Variants in NRXN3 observed in about 807,000 individuals in gnomAD.
The protein encoded by NRXN3 is neurexin III.
NRXN3 carries 32 observed loss-of-function variants against 137.6 expected under a neutral mutation model. The observed-to-expected ratio is 0.23, with a 90% CI of 0.18 to 0.31. The LOEUF (loss-of-function observed/expected upper bound fraction) is 0.31. Ranked by LOEUF, NRXN3 falls within the 10% of genes least tolerant of loss-of-function variation. The pLI, the probability that NRXN3 is intolerant of heterozygous loss-of-function variation, is 1.00. For missense variants in NRXN3, 1,574 were observed against 2,062.5 expected (o/e 0.76, Z 4.59); for synonymous variants, 798 against 784.5 (o/e 1.02, Z -0.29).
At chr14:78,380,847 A>G (rs2153630594) in intron 4 of NRXN3, among the ~76,000 whole-genome samples, 1 of 151,586 alleles carries the variant, frequency 6.6e-6, no homozygotes, top group African/African-American at 2.4e-5. Flanking sequence ...TGCTACCAGA[A>G]TAGCTAACCT....
chr14:78,627,027 C>T (rs538961881), intron 4 of NRXN3, among the ~76,000 whole-genome samples: 1 of 152,060 alleles, frequency 6.6e-6, no homozygotes, highest in Non-Finnish European at 1.5e-5. Flanking sequence ...ATCCAATCTT[C>T]TTTAGCTTGT....
At chr14:79,254,259 C>A (rs889194798) in intron 15 of NRXN3, among the ~76,000 whole-genome samples, 2 of 152,154 alleles carry the variant, frequency 1.3e-5, no homozygotes, top group Admixed American at 1.3e-4. Context: ...GCATGGCATG[C>A]AGTGACAAAC....
intron 15 of NRXN3, among the ~76,000 whole-genome samples, chr14:79,386,197 A>G (rs566321358): frequency 6.6e-6 from 1 of 152,318 alleles, no homozygotes; most frequent in Non-Finnish European, 1.5e-5. Flanking sequence ...CTGTATATCT[A>G]GAAAGCCCCA....
chr14:78,319,302 C>G (rs2079056010), intron 4 of NRXN3, among the ~76,000 whole-genome samples: 1 of 152,180 alleles, frequency 6.6e-6, no homozygotes, highest in Non-Finnish European at 1.5e-5. Context: ...GCCTCTGTCT[C>G]CGTGTCTGTA....
intron 1 of NRXN3, among the ~76,000 whole-genome samples, chr14:78,231,849 G>A (rs2065456087): frequency 6.6e-6 from 1 of 152,198 alleles, no homozygotes; most frequent in South Asian, 2.1e-4. Flanking sequence ...TGTGTTGTAA[G>A]GTGTGTGTGC....
intron 18 of NRXN3, among the ~76,000 whole-genome samples, chr14:79,693,859 T>C (rs1360237100): frequency 2.0e-5 from 3 of 151,966 alleles, no homozygotes; most frequent in African/African-American, 7.2e-5. Flanking sequence ...TGCATATAAA[T>C]CTGAAAAGAA....
chr14:78,470,849 C>A (rs1599089107), intron 4 of NRXN3, among the ~76,000 whole-genome samples: 2 of 152,090 alleles, frequency 1.3e-5, no homozygotes, highest in South Asian at 4.1e-4. Context: ...GGTACTGGAC[C>A]AGGTAAGTGT....
chr14:79,269,662 T>C (rs1236367731), intron 15 of NRXN3, among the ~76,000 whole-genome samples: 1 of 152,152 alleles, frequency 6.6e-6, no homozygotes, highest in Non-Finnish European at 1.5e-5. Context: ...CCCACCATAG[T>C]TCCATGCTGA....
At chr14:78,357,576 TA>T (rs1488189031) in intron 4 of NRXN3, among the ~76,000 whole-genome samples, 2 of 152,338 alleles carry the variant, frequency 1.3e-5, no homozygotes, top group Middle Eastern at 6.8e-3. Flanking sequence ...ACGTTTTTTC[TA>T]AAATCACGTC....
intron 4 of NRXN3, among the ~76,000 whole-genome samples, chr14:78,440,906 C>T (rs2094222559): frequency 6.6e-6 from 1 of 152,164 alleles, no homozygotes; most frequent in Non-Finnish European, 1.5e-5. Flanking sequence ...AATCCTATTG[C>T]CCGAAGCTTA....
At chr14:79,793,320 C>T (rs2099151259) in intron 19 of NRXN3, among the ~76,000 whole-genome samples, 1 of 152,138 alleles carries the variant, frequency 6.6e-6, no homozygotes, top group Non-Finnish European at 1.5e-5. Context: ...GAGCCTGAGG[C>T]AGGAGAATGG....
intron 4 of NRXN3, among the ~76,000 whole-genome samples, chr14:78,636,243 A>G (rs932960343): frequency 9.9e-5 from 15 of 152,026 alleles, no homozygotes; most frequent in African/African-American, 3.6e-4. Flanking sequence ...CTTCTTTATA[A>G]TTTTTCCTTT....
chr14:78,706,001 T>A (rs983258045), intron 6 of NRXN3, among the ~76,000 whole-genome samples: 4 of 152,154 alleles, frequency 2.6e-5, no homozygotes, highest in Non-Finnish European at 5.9e-5. Flanking sequence ...CACAGAAGAG[T>A]TCCTCTTCAC....
chr14:78,782,466 G>A (rs1020950996), intron 8 of NRXN3, among the ~76,000 whole-genome samples: 1 of 152,148 alleles, frequency 6.6e-6, no homozygotes, highest in Non-Finnish European at 1.5e-5. Context: ...GGTTGGAAAG[G>A]AATCAAATCT....
intron 10 of NRXN3, among the ~76,000 whole-genome samples, chr14:78,837,735 T>A (rs1014885930): frequency 2.0e-5 from 3 of 152,192 alleles, no homozygotes; most frequent in Non-Finnish European, 4.4e-5. Context: ...TAATTCGATT[T>A]TGTATTGAAG....
intron 16 of NRXN3, among the ~76,000 whole-genome samples, chr14:79,481,067 G>A (rs12881194): frequency 0.23 from 35,654 of 152,068 alleles, 4,755 homozygotes; most frequent in Admixed American, 0.35. Flanking sequence ...TCTGTCAAGT[G>A]TAGTTCTAAG....
At chr14:79,092,108 C>G (rs375406773) in intron 15 of NRXN3, among the ~76,000 whole-genome samples, 1 of 152,162 alleles carries the variant, frequency 6.6e-6, no homozygotes, top group African/African-American at 2.4e-5. Flanking sequence ...CTACATCAAA[C>G]TTGAGATGAA....
At chr14:79,064,220 T>C (rs1482536998) in intron 15 of NRXN3, among the ~76,000 whole-genome samples, 2 of 152,144 alleles carry the variant, frequency 1.3e-5, no homozygotes, top group African/African-American at 2.4e-5. Flanking sequence ...CAGGTGTTTT[T>C]CTCCGATTTC....
rs1006637417 is a variant in NRXN3 at position 78,541,525 on chromosome 14, T to G, written c.758-103595T>G. On this transcript the variant is annotated intron_variant, in intron 4 of 20. Coordinates refer to ENST00000335750, the MANE Select transcript of NRXN3 (RefSeq NM_001330195.2). ...AGTTAGCCATTCATGTAATATTTTTTCAAGGTTCTTAGCTTCCTTGCGATG... is the reference window on the plus strand; with the variant it reads ...AGTTAGCCATTCATGTAATATTTTTGCAAGGTTCTTAGCTTCCTTGCGATG... Among the ~76,000 whole-genome samples the G allele has an allele frequency of 5.3e-5, 8 of 152,214 alleles. 1 individual carries two copies. In the East Asian group the frequency reaches 1.5e-3, roughly 29 times the overall value.
Sources: allele counts gnomAD v4.1 joint callset (sites outside exome capture counted in the v4.1 genomes callset), GRCh38; gene constraint gnomAD v4.1.1; transcripts MANE v1.5; gene names NCBI Gene and HGNC (gene_info 2026-07-23, HGNC 2026-07-21).